UGT1A4: variants seen among roughly 807,000 people sequenced by gnomAD.
UGT1A4 encodes the protein UDP-glucuronosyltransferase 1A4.
Under a neutral mutation model 41.1 loss-of-function variants are expected in UGT1A4, and 32 were observed. The observed-to-expected ratio is 0.78, with a 90% CI of 0.59 to 1.05. The LOEUF (loss-of-function observed/expected upper bound fraction) is 1.05, where lower values mean the gene tolerates loss of function less well. Ranked by LOEUF, UGT1A4 falls within the 50% of genes least tolerant of loss-of-function variation. The pLI is 0.00. For synonymous variants in UGT1A4, 283 were observed against 265.1 expected, an observed-to-expected ratio of 1.07 and a Z score of -0.66; for missense variants, 748 against 677.4, an observed-to-expected ratio of 1.10 and a Z score of -1.16.
At chr2:233,725,263 A>AGGC (rs1472327737) in intron 1 of UGT1A4, among the ~76,000 whole-genome samples, 4 of 34,258 alleles carry the variant, frequency 1.2e-4, no homozygotes, top group Non-Finnish European at 2.1e-4. Flanking sequence ...GCAGAGGCAG[A>AGGC]GGAGGCAGAG....
chr2:233,724,281 C>CA (rs1553611764), intron 1 of UGT1A4, among the ~76,000 whole-genome samples: 3 of 111,954 alleles, frequency 2.7e-5, no homozygotes, highest in South Asian at 3.3e-4. Flanking sequence ...GCTGGCCGGG[C>CA]GGGGGGCTGA....
intron 1 of UGT1A4, among the ~76,000 whole-genome samples, chr2:233,765,022 G>A (rs976641951): frequency 6.6e-6 from 1 of 152,124 alleles, no homozygotes; most frequent in Non-Finnish European, 1.5e-5. Context: ...GGCTTGGCAG[G>A]AGTCCTGCTG....
intron 1 of UGT1A4, chr2:233,761,111 T>C: frequency 6.2e-7 from 1 of 1,614,220 alleles, no homozygotes; most frequent in Non-Finnish European, 8.5e-7. Context: ...ATGGTTTTTG[T>C]TGGTGGAATC....
chr2:233,764,974 G>A (rs1027319616), intron 1 of UGT1A4, among the ~76,000 whole-genome samples: 4 of 152,116 alleles, frequency 2.6e-5, no homozygotes, highest in African/African-American at 9.7e-5. Flanking sequence ...GAGAAGGATG[G>A]TCAGTGTCTG....
At chr2:233,729,133 A>G in intron 1 of UGT1A4, 1 of 1,613,236 alleles carries the variant, frequency 6.2e-7, no homozygotes, top group Non-Finnish European at 8.5e-7. Flanking sequence ...TGAGATGGCC[A>G]CAGGACTCCA....
intron 1 of UGT1A4, among the ~76,000 whole-genome samples, chr2:233,762,934 A>G (rs2126001089): frequency 6.6e-6 from 1 of 152,358 alleles, no homozygotes; most frequent in Middle Eastern, 3.4e-3. Context: ...CTCTAAAAAC[A>G]GTTGAATAAT....
intron 1 of UGT1A4, among the ~76,000 whole-genome samples, chr2:233,725,570 A>G (rs1169063809): frequency 1.3e-5 from 2 of 152,178 alleles, no homozygotes; most frequent in Admixed American, 1.3e-4. Flanking sequence ...TATATTCGAT[A>G]TAAGATTATG....
intron 1 of UGT1A4, among the ~76,000 whole-genome samples, chr2:233,757,694 G>C (rs757732265): frequency 2.6e-5 from 4 of 151,666 alleles, no homozygotes; most frequent in Non-Finnish European, 5.9e-5. Context: ...ATTCAAGGAA[G>C]GTGGCTTTGC....
At chr2:233,733,813 G>T (rs2078440329) in intron 1 of UGT1A4, among the ~76,000 whole-genome samples, 1 of 152,202 alleles carries the variant, frequency 6.6e-6, no homozygotes, top group East Asian at 1.9e-4. Context: ...GATGATGCTG[G>T]CCTCATAAAA....
At chr2:233,725,059 C>T (rs1273678780) in intron 1 of UGT1A4, among the ~76,000 whole-genome samples, 8 of 146,980 alleles carry the variant, frequency 5.4e-5, no homozygotes, top group African/African-American at 1.0e-4. Flanking sequence ...TGGCGGCGCG[C>T]GCCTGCAATC....
Position 233,769,463 on chromosome 2 carries a change from G to A in UGT1A4, c.1307+1024G>A. On this transcript the variant is annotated intron_variant, in intron 4 of 4. Coordinates refer to ENST00000373409, the MANE Select transcript of UGT1A4 (RefSeq NM_007120.3). The surrounding 1 kb of genome is among the most constrained non-coding windows in gnomAD (Gnocchi z 4.4). Reference sequence around the variant, plus strand: ...TGGGTGCACACGTGTGCATTCATATGCGTGTGTGTGTGTGTGCGTGTGTTT... The same window carrying A: ...TGGGTGCACACGTGTGCATTCATATACGTGTGTGTGTGTGTGCGTGTGTTT... 6.3e-7 allele frequency: 1 copy of A among 1,598,098 alleles called. No homozygotes were observed. The highest frequency in any genetic ancestry group is 8.6e-7 in the Non-Finnish European group (1 of 1,168,000).
intron 2 of UGT1A4, 46 bp downstream of exon 2, chr2:233,767,211 C>T (rs780479302): frequency 1.9e-5 from 30 of 1,612,468 alleles, no homozygotes; most frequent in South Asian, 1.5e-4. Flanking sequence ...TTCACAGGAG[C>T]GCTAATCCCA....
chr2:233,772,868 T>C lies in UGT1A4; in HGVS notation c.*309T>C, dbSNP rs982401399. ...TTCTTACTCTGAAACATGGCCTGTT[T>C]GGGAGTGCGGGATTCAAAGGTGGTC... is the stretch of plus-strand genomic sequence containing the variant. On this transcript the variant is annotated 3_prime_UTR_variant, in exon 5 of 5. Coordinates refer to ENST00000373409, the MANE Select transcript of UGT1A4 (RefSeq NM_007120.3). 2 of 641,930 alleles carry C rather than the reference T, an allele frequency of 3.1e-6. No individual in the cohort carries two copies. The highest frequency in any genetic ancestry group is 3.7e-5 in the African/African-American group (2 of 53,644). 39.8% of individuals were successfully genotyped at this position (641,930 alleles called of 1,614,324 possible).
intron 1 of UGT1A4, among the ~76,000 whole-genome samples, chr2:233,738,130 C>T (rs1187217692): frequency 6.6e-6 from 1 of 152,186 alleles, no homozygotes; most frequent in Admixed American, 6.5e-5. Flanking sequence ...ATAAGGGGCC[C>T]TTATCCCTTC....
Position 233,769,931 on chromosome 2 carries a change from C to A in UGT1A4, c.1307+1492C>A, listed in dbSNP as rs1699987343. 1 of 247,432 alleles carries A rather than the reference C, an allele frequency of 4.0e-6. No homozygotes were observed. Among genetic ancestry groups the A allele is most frequent in the Admixed American group, 5.3e-5 (1 of 18,974 alleles). The allele number at this position is 247,432 out of a possible 1,614,324, so 15.3% of individuals were successfully genotyped here. A position where few individuals can be genotyped will look rare whatever the true frequency, so the allele number is the denominator to read the frequency against. On this transcript the variant is annotated intron_variant, in intron 4 of 4. Transcript: ENST00000373409. The surrounding 1 kb of genome is among the most constrained non-coding windows in gnomAD (Gnocchi z 4.4). Reference sequence around the variant, plus strand: ...CCCAGAGCGTTGGGTGGTGTGGTCCCATTCCTTCCTTCCAGCGGCTTCTTC... The same window carrying A: ...CCCAGAGCGTTGGGTGGTGTGGTCCAATTCCTTCCTTCCAGCGGCTTCTTC...
At chr2:233,743,080 T>G in intron 1 of UGT1A4, 1 of 343,656 alleles carries the variant, frequency 2.9e-6, no homozygotes. Flanking sequence ...TGGCATGAAG[T>G]GTTTATAAAT....
chr2:233,747,315 A>C (rs1575682403), intron 1 of UGT1A4: 2 of 1,603,160 alleles, frequency 1.2e-6, no homozygotes, highest in Non-Finnish European at 1.7e-6. Context: ...TGCTGGTGGT[A>C]CCCATTGATG....
intron 1 of UGT1A4, among the ~76,000 whole-genome samples, chr2:233,764,153 T>C (rs1331955474): frequency 6.6e-6 from 1 of 152,218 alleles, no homozygotes; most frequent in Non-Finnish European, 1.5e-5. Context: ...TTTTGGCTGG[T>C]GAAGTCTCAT....
intron 1 of UGT1A4, among the ~76,000 whole-genome samples, chr2:233,749,630 C>T (rs1185419016): frequency 6.6e-6 from 1 of 151,806 alleles, no homozygotes. Context: ...CTCTGTATCC[C>T]CCACCAAATC....
Sources: allele counts gnomAD v4.1 joint callset (sites outside exome capture counted in the v4.1 genomes callset), GRCh38; gene constraint gnomAD v4.1.1; non-coding constraint Gnocchi (gnomAD v3.1); transcripts MANE v1.5; gene names NCBI Gene and HGNC (gene_info 2026-07-23, HGNC 2026-07-21).